PSPC1: variants seen among roughly 807,000 people sequenced by gnomAD.
The protein encoded by PSPC1 is paraspeckle component 1, also known as paraspeckle protein 1.
A neutral mutation model predicts 51.6 loss-of-function variants in PSPC1; 14 were observed. The ratio of observed to expected loss-of-function variants is 0.27; its 90% CI spans 0.18 to 0.42. The LOEUF (loss-of-function observed/expected upper bound fraction) is 0.42, where lower values mean the gene tolerates loss of function less well. Among genes scored for constraint, PSPC1 ranks in the 10% least tolerant of loss-of-function variants. PSPC1 has a pLI of 1.00. For missense variants in PSPC1, 406 were observed against 701.1 expected (o/e 0.58, Z 4.75); for synonymous variants, 193 against 231.9 (o/e 0.83, Z 1.53).
intron 6 of PSPC1, among the ~76,000 whole-genome samples, chr13:19,692,553 C>T (rs11842329): frequency 0.086 from 13,065 of 152,164 alleles, 600 homozygotes; most frequent in Middle Eastern, 0.13. Context: ...ATTTACCAGG[C>T]GGATTTTCCA....
At chr13:19,691,237 A>G (rs12870035) in intron 6 of PSPC1, among the ~76,000 whole-genome samples, 97 of 152,196 alleles carry the variant, frequency 6.4e-4, no homozygotes, top group Non-Finnish European at 1.2e-3. Flanking sequence ...AAAAGTAGGC[A>G]TTGCTGGGCA....
At chr13:19,736,209 G>A (rs1217017120) in intron 5 of PSPC1, among the ~76,000 whole-genome samples, 1 of 152,006 alleles carries the variant, frequency 6.6e-6, no homozygotes, top group Non-Finnish European at 1.5e-5. Context: ...CAGCCACCAG[G>A]AAAAACTAAG....
intron 6 of PSPC1, among the ~76,000 whole-genome samples, chr13:19,689,046 A>T (rs1878260615): frequency 6.6e-6 from 1 of 152,326 alleles, no homozygotes; most frequent in African/African-American, 2.4e-5. Flanking sequence ...GCACTAGCCA[A>T]AGGAAAATAA....
intron 6 of PSPC1, among the ~76,000 whole-genome samples, chr13:19,690,003 A>G (rs1033894280): frequency 5.3e-5 from 8 of 152,236 alleles, no homozygotes; most frequent in Admixed American, 5.2e-4. Flanking sequence ...AGAACTCCTC[A>G]GAGTATCTGA....
At chr13:19,682,240 T>C (rs1397507038) in intron 6 of PSPC1, among the ~76,000 whole-genome samples, 1 of 152,240 alleles carries the variant, frequency 6.6e-6, no homozygotes, top group Non-Finnish European at 1.5e-5. Context: ...TCAGCTGATA[T>C]TTTGTAAGAA....
intron 2 of PSPC1, among the ~76,000 whole-genome samples, chr13:19,769,818 G>C (rs538068830): frequency 1.3e-5 from 2 of 152,094 alleles, no homozygotes; most frequent in East Asian, 1.9e-4. Flanking sequence ...GGAGTAACTA[G>C]AAGTCACTCA....
At chr13:19,752,345 C>T (rs1181976264) in intron 3 of PSPC1, among the ~76,000 whole-genome samples, 1 of 152,086 alleles carries the variant, frequency 6.6e-6, no homozygotes, top group Non-Finnish European at 1.5e-5. Context: ...ATTTAATATA[C>T]ATTTCTTGAA....
chr13:19,774,826 A>G (rs1177485871), intron 1 of PSPC1, among the ~76,000 whole-genome samples: 13 of 150,946 alleles, frequency 8.6e-5, no homozygotes, highest in Admixed American at 4.0e-4. Flanking sequence ...AAACAAAAAA[A>G]AAAAAGAAAA....
At chr13:19,778,240 C>CA (rs879620982) in intron 1 of PSPC1, among the ~76,000 whole-genome samples, 1,758 of 121,970 alleles carry the variant, frequency 0.014, 13 homozygotes, top group Middle Eastern at 0.044. Context: ...GATTCCGTCT[C>CA]AAAAAAAAAA....
At chr13:19,707,705 C>T (rs1179188232) in intron 7 of PSPC1, among the ~76,000 whole-genome samples, 1 of 152,074 alleles carries the variant, frequency 6.6e-6, no homozygotes, top group African/African-American at 2.4e-5. Flanking sequence ...ACTCTAAAGG[C>T]ATATTCTGAT....
intron 2 of PSPC1, among the ~76,000 whole-genome samples, chr13:19,770,257 G>C (rs1888496662): frequency 6.6e-6 from 1 of 152,222 alleles, no homozygotes; most frequent in African/African-American, 2.4e-5. Context: ...AAGGCAGGTA[G>C]AGTGCAGAAT....
chr13:19,778,204 T>C (rs956858830), intron 1 of PSPC1, among the ~76,000 whole-genome samples: 1 of 151,352 alleles, frequency 6.6e-6, no homozygotes, highest in African/African-American at 2.4e-5. Context: ...ATCCCGCCAC[T>C]GCACTCCAAC....
chr13:19,772,490 G>C lies in PSPC1; in HGVS notation c.426C>G (p.Leu142=), dbSNP rs1212662396. ...IAKAELDGTI[L]KSRPLRIRFA... is the part of the protein sequence containing the mutation. The stretch of plus-strand genomic sequence containing the variant: ...AGCGAATCCGTAGAGGTCTGCTCTT[G>C]AGAATGGTGCCGTCCAGCTCTGCTT... Residue 142 remains leucine, a synonymous_variant, in exon 2 of 9, where the codon CTC becomes CTG. Coordinates refer to ENST00000338910, the MANE Select transcript of PSPC1 (RefSeq NM_001354909.2). The C allele has an allele frequency of 6.2e-7, 1 of 1,614,114 alleles. No homozygotes were observed. Among genetic ancestry groups the C allele is most frequent in the Non-Finnish European group, 8.5e-7 (1 of 1,180,024 alleles).
At chr13:19,720,519 G>T (rs1882636412) in intron 6 of PSPC1, among the ~76,000 whole-genome samples, 1 of 152,196 alleles carries the variant, frequency 6.6e-6, no homozygotes, top group Admixed American at 6.5e-5. Flanking sequence ...CAGAGGCCTT[G>T]AAATTGTGAT....
chr13:19,671,359 G>C (rs1876116715), downstream of PSPC1: 1 of 1,422,324 alleles, frequency 7.0e-7, no homozygotes. Flanking sequence ...ATCAACATTA[G>C]AAAAAAAATT....
At chr13:19,720,538 A>G (rs1882639266) in intron 6 of PSPC1, among the ~76,000 whole-genome samples, 2 of 152,250 alleles carry the variant, frequency 1.3e-5, no homozygotes, top group African/African-American at 2.4e-5. Context: ...ATGTTAGTAC[A>G]TATTTTCTTC....
intron 3 of PSPC1, among the ~76,000 whole-genome samples, chr13:19,754,996 G>A (rs1333472509): frequency 1.3e-5 from 2 of 152,100 alleles, no homozygotes; most frequent in Non-Finnish European, 2.9e-5. Flanking sequence ...ACTTTGAGAG[G>A]CCAATGCAGG....
intron 6 of PSPC1, among the ~76,000 whole-genome samples, chr13:19,710,487 G>T (rs1178000854): frequency 6.6e-6 from 1 of 152,122 alleles, no homozygotes; most frequent in Non-Finnish European, 1.5e-5. Context: ...ATTCCATTAT[G>T]AGACAAATGC....
intron 7 of PSPC1, chr13:19,675,154 G>T (rs780686473): frequency 6.5e-6 from 1 of 152,790 alleles, no homozygotes; most frequent in African/African-American, 2.4e-5. Context: ...TTGCTTGCCT[G>T]AGCCAGTTCA....
Sources: allele counts gnomAD v4.1 joint callset (sites outside exome capture counted in the v4.1 genomes callset), GRCh38; gene constraint gnomAD v4.1.1; transcripts MANE v1.5; gene names NCBI Gene and HGNC (gene_info 2026-07-23, HGNC 2026-07-21).